ARNT2: variants seen among roughly 807,000 people sequenced by gnomAD.
The protein encoded by ARNT2 is aryl hydrocarbon receptor nuclear translocator 2.
Under a neutral mutation model 91.7 loss-of-function variants are expected in ARNT2, and 36 were observed. The observed-to-expected ratio is 0.39, with a 90% CI of 0.30 to 0.52. The LOEUF is 0.52. Among genes scored for constraint, ARNT2 ranks in the 20% least tolerant of loss-of-function variants. The pLI is 0.72. For missense variants in ARNT2, 775 were observed against 939.3 expected (o/e 0.83, Z 2.29); for synonymous variants, 365 against 347.1 (o/e 1.05, Z -0.57).
At chr15:80,518,978 G>A (rs1401966247) in intron 8 of ARNT2, among the ~76,000 whole-genome samples, 1 of 152,144 alleles carries the variant, frequency 6.6e-6, no homozygotes, top group African/African-American at 2.4e-5. Context: ...TGGGTTCCTG[G>A]AGGGAAAACC....
chr15:80,410,686 A>AT (rs1350282122), intron 1 of ARNT2, among the ~76,000 whole-genome samples: 2 of 152,182 alleles, frequency 1.3e-5, no homozygotes, highest in Admixed American at 1.3e-4. Context: ...CTTTATTGAG[A>AT]TTCACTAAGA....
At chr15:80,569,773 T>C (rs1423235313) in intron 12 of ARNT2, among the ~76,000 whole-genome samples, 3 of 152,260 alleles carry the variant, frequency 2.0e-5, no homozygotes, top group Non-Finnish European at 4.4e-5. Context: ...ATTAGAAACA[T>C]GGGCCTTCCC....
At chr15:80,433,191 T>C (rs16972107) in intron 1 of ARNT2, among the ~76,000 whole-genome samples, 2 of 90,660 alleles carry the variant, frequency 2.2e-5, no homozygotes, top group Non-Finnish European at 5.5e-5. Flanking sequence ...ACAGCGGGTA[T>C]GCCCACATTT....
chr15:80,579,144 G>C (rs1444522418), intron 15 of ARNT2, among the ~76,000 whole-genome samples: 1 of 152,200 alleles, frequency 6.6e-6, no homozygotes, highest in Non-Finnish European at 1.5e-5. Flanking sequence ...GCCTTTCCTA[G>C]GACCGTCTAC....
At chr15:80,463,949 A>G (rs769321828) in intron 3 of ARNT2, among the ~76,000 whole-genome samples, 23 of 152,124 alleles carry the variant, frequency 1.5e-4, no homozygotes, top group Non-Finnish European at 2.9e-4. Flanking sequence ...ATGTTTAGCT[A>G]TGCTACCCGC....
At chr15:80,488,418 C>G (rs57112403) in intron 5 of ARNT2, 3 of 152,152 alleles carry the variant, frequency 2.0e-5, no homozygotes, top group African/African-American at 7.2e-5. Context: ...CGTATTATGG[C>G]TTTTCTTGAA....
At chr15:80,408,251 G>A (rs931704295) in intron 1 of ARNT2, among the ~76,000 whole-genome samples, 6 of 152,200 alleles carry the variant, frequency 3.9e-5, no homozygotes, top group African/African-American at 1.4e-4. Context: ...ATAGAGCAAT[G>A]TGGAGATGAG....
At chr15:80,519,609 CCAGAA>C (rs1010383083) in intron 8 of ARNT2, among the ~76,000 whole-genome samples, 13 of 151,766 alleles carry the variant, frequency 8.6e-5, no homozygotes, top group Non-Finnish European at 1.6e-4. Context: ...GTGAAATTCA[CCAGAA>C]CTGTTTTAGG....
In ARNT2 at chr15:80,557,774, C is replaced by T. The variant is rs1042270519; in HGVS notation, c.1164+2635C>T. Among the ~76,000 whole-genome samples the T allele has an allele frequency of 6.6e-5, 10 of 152,118 alleles. 2 individuals are homozygous for T. The East Asian group carries it at 7.7e-4, about 12-fold the overall frequency. On this transcript the variant is annotated intron_variant, in intron 11 of 18. Transcript: ENST00000303329. ...CCCTCCTCTCTTTCTTCTTTCCTAC[C>T]CCCCTGAACCAGATCACCCCATCTC...
chr15:80,451,090 A>G (rs1416684238), intron 2 of ARNT2, 96 bp downstream of exon 2: 1 of 1,182,472 alleles, frequency 8.5e-7, no homozygotes, highest in Non-Finnish European at 1.2e-6. Context: ...TTCCTGTAGA[A>G]TAAAAGCTCA....
At chr15:80,580,276 C>T in intron 15 of ARNT2, 135 bp from the exon 16 acceptor site, 2 of 1,164,568 alleles carry the variant, frequency 1.7e-6, no homozygotes, top group Non-Finnish European at 2.5e-6. Flanking sequence ...ATGTGTGAGT[C>T]ATTTTCTCTA....
chr15:80,544,343 G>A (rs865993640), intron 8 of ARNT2, among the ~76,000 whole-genome samples: 18 of 152,168 alleles, frequency 1.2e-4, no homozygotes, highest in Middle Eastern at 3.2e-3. Context: ...TCTTAAGGCT[G>A]TGAGCTAGGG....
rs1893360512 is a variant in ARNT2 at position 80,595,458 on chromosome 15, GGA to G, written c.*1766_*1767del. The G allele has an allele frequency of 6.6e-6, 1 of 152,310 alleles. No homozygotes were observed. Among genetic ancestry groups the G allele is most frequent in the Non-Finnish European group, 1.5e-5 (1 of 68,128 alleles). 9.4% of individuals were successfully genotyped at this position (152,310 alleles called of 1,614,324 possible). On this transcript the variant is annotated 3_prime_UTR_variant, in exon 19 of 19. Transcript: ENST00000303329. ...GAGGCCAGCATGCAGGAAGGAGTTT[GGA>G]GAGAGTGTTTGCTGTGATCCATTGA...
At chr15:80,458,085 A>C (rs1896504566) in intron 3 of ARNT2, 109 bp downstream of exon 3, 2 of 1,166,952 alleles carry the variant, frequency 1.7e-6, no homozygotes, top group Non-Finnish European at 2.5e-6. Context: ...CATTGCCTGC[A>C]GTTTGACTGG....
intron 5 of ARNT2, among the ~76,000 whole-genome samples, chr15:80,495,987 T>C (rs968855782): frequency 3.3e-5 from 5 of 152,182 alleles, no homozygotes; most frequent in Non-Finnish European, 7.4e-5. Flanking sequence ...TGTGCAGACA[T>C]CTCCTCGAGT....
In ARNT2 at chr15:80,524,544, G is replaced by A. The variant is rs538708155; in HGVS notation, c.877+10139G>A. Among the ~76,000 whole-genome samples the A allele has an allele frequency of 1.4e-4, 22 of 152,204 alleles. No individual in the cohort carries two copies. In the South Asian group the frequency reaches 4.2e-3, roughly 29 times the overall value. On this transcript the variant is annotated intron_variant, in intron 8 of 18. Coordinates refer to ENST00000303329, the MANE Select transcript of ARNT2 (RefSeq NM_014862.4). ...GGGACATCTACATGATAAAATACTG[G>A]ACAATAATTAAACAGGCATGCTTTT...
chr15:80,413,382 C>T (rs1895716869), intron 1 of ARNT2, among the ~76,000 whole-genome samples: 1 of 152,228 alleles, frequency 6.6e-6, no homozygotes, highest in Admixed American at 6.5e-5. Context: ...TACACACTTC[C>T]AACCAGACCA....
intron 2 of ARNT2, among the ~76,000 whole-genome samples, chr15:80,456,611 C>T (rs1896485255): frequency 6.6e-6 from 1 of 152,180 alleles, no homozygotes; most frequent in African/African-American, 2.4e-5. Flanking sequence ...CCCCTAGAGA[C>T]TAGGATTTGT....
At chr15:80,533,345 G>A (rs893219839) in intron 8 of ARNT2, among the ~76,000 whole-genome samples, 3 of 152,336 alleles carry the variant, frequency 2.0e-5, no homozygotes, top group Admixed American at 2.0e-4. Flanking sequence ...GTGATAGCAG[G>A]ATAAGGACGC....
Sources: allele counts gnomAD v4.1 joint callset (sites outside exome capture counted in the v4.1 genomes callset), GRCh38; gene constraint gnomAD v4.1.1; transcripts MANE v1.5; gene names NCBI Gene and HGNC (gene_info 2026-07-23, HGNC 2026-07-21).